CMTM8: variants seen among roughly 807,000 people sequenced by gnomAD.
CMTM8 encodes the protein CKLF-like MARVEL transmembrane domain-containing protein 8.
A neutral mutation model predicts 18.6 loss-of-function variants in CMTM8; 12 were observed. The ratio of observed to expected loss-of-function variants is 0.65; its 90% CI spans 0.41 to 1.05. The LOEUF (loss-of-function observed/expected upper bound fraction) is 1.05. Among genes scored for constraint, CMTM8 ranks in the 50% least tolerant of loss-of-function variants. The probability of loss-of-function intolerance (pLI) is 0.00; values close to 1 mark genes in which losing one functional copy is unlikely to be tolerated. For synonymous variants in CMTM8, 87 were observed against 90.6 expected, an observed-to-expected ratio of 0.96 and a Z score of 0.23; for missense variants, 217 against 227.2, an observed-to-expected ratio of 0.95 and a Z score of 0.29.
At position 32,274,093 on chromosome 3, in the gene CMTM8, T is replaced by G. The variant is rs541245147; in HGVS notation, c.147+34974T>G. Among the ~76,000 whole-genome samples the G allele has an allele frequency of 2.8e-4, 43 of 152,200 alleles. 1 individual carries two copies. The highest frequency in any genetic ancestry group is 5.6e-4 in the Non-Finnish European group (38 of 68,010). ...GGGAGGCTGAGATAGGCGAATCACTTGAGCCTAGGAGTTTGAGACCAGCCT... is the reference window on the plus strand; with the variant it reads ...GGGAGGCTGAGATAGGCGAATCACTGGAGCCTAGGAGTTTGAGACCAGCCT... On this transcript the variant is annotated intron_variant, in intron 1 of 3. Coordinates refer to ENST00000307526, the MANE Select transcript of CMTM8 (RefSeq NM_178868.5).
intron 2 of CMTM8, among the ~76,000 whole-genome samples, chr3:32,363,375 G>T (rs1352092218): frequency 6.6e-6 from 1 of 152,186 alleles, no homozygotes; most frequent in African/African-American, 2.4e-5. Flanking sequence ...TAAAAAGTGG[G>T]CAGTGGAGGG....
chr3:32,368,689 T>C (rs1697093622), intron 3 of CMTM8, among the ~76,000 whole-genome samples: 1 of 152,184 alleles, frequency 6.6e-6, no homozygotes, highest in Admixed American at 6.5e-5. Flanking sequence ...CTGGATTTCC[T>C]GGGCTCAAGT....
chr3:32,320,283 ATTG>A (rs1363331696), intron 1 of CMTM8, among the ~76,000 whole-genome samples: 1 of 152,228 alleles, frequency 6.6e-6, no homozygotes, highest in Non-Finnish European at 1.5e-5. Context: ...ACAGTGGAAT[ATTG>A]TTCAGTCATT....
intron 1 of CMTM8, among the ~76,000 whole-genome samples, chr3:32,320,444 A>G (rs1696021348): frequency 6.6e-6 from 1 of 152,206 alleles, no homozygotes. Context: ...TAGAGACCAT[A>G]GATGAGTGGT....
At position 32,366,071 on chromosome 3, in the gene CMTM8, G is replaced by A. The variant is rs569883300; in HGVS notation, c.322-1801G>A. On this transcript the variant is annotated intron_variant, in intron 2 of 3. Coordinates refer to ENST00000307526, the MANE Select transcript of CMTM8 (RefSeq NM_178868.5). ...ATTTCCTCCAACCCAGGCATTCCCC[G>A]GACATGTTTACTTTTGGGAGTGTTA... Among the ~76,000 whole-genome samples, 47 of 151,870 alleles carry A rather than the reference G, an allele frequency of 3.1e-4. 1 individual carries two copies. The highest frequency in any genetic ancestry group is 4.2e-4 in the South Asian group (2 of 4,802).
chr3:32,363,575 G>A lies in CMTM8; in HGVS notation c.322-4297G>A, dbSNP rs142304918. Among the ~76,000 whole-genome samples, 474 of 152,338 alleles carry A rather than the reference G, an allele frequency of 3.1e-3. 2 individuals are homozygous for A. The highest frequency in any genetic ancestry group is 0.011 in the African/African-American group (443 of 41,570). ...TAAGAGAGAAACATAGCAGGAGACA[G>A]CCAGCAGCTCTGCCACAGACGAAGC... On this transcript the variant is annotated intron_variant, in intron 2 of 3. Transcript: ENST00000307526.
intron 1 of CMTM8, among the ~76,000 whole-genome samples, chr3:32,281,966 G>A (rs1459617348): frequency 6.6e-6 from 1 of 152,000 alleles, no homozygotes; most frequent in Non-Finnish European, 1.5e-5. Flanking sequence ...GAGTGCCAGG[G>A]CTCAGGCCTT....
rs554554936 is a variant in CMTM8, at chr3:32,359,905, C to T, written c.321+2359C>T. On this transcript the variant is annotated intron_variant, in intron 2 of 3. Transcript: ENST00000307526. ...AGTCTTGTGACTTTGCACAGATTTACACACAGCAGGGGTCCACATCTCTCG... is the reference window on the plus strand; with the variant it reads ...AGTCTTGTGACTTTGCACAGATTTATACACAGCAGGGGTCCACATCTCTCG... 9.8e-5 allele frequency among the ~76,000 whole-genome samples: 15 copies of T among 152,286 alleles called. No homozygotes were observed. In the East Asian group the frequency reaches 2.9e-3, roughly 29 times the overall value.
At chr3:32,338,669 T>C (rs1696435700) in intron 1 of CMTM8, among the ~76,000 whole-genome samples, 1 of 152,156 alleles carries the variant, frequency 6.6e-6, no homozygotes, top group African/African-American at 2.4e-5. Context: ...ACACTACCTA[T>C]TGTATATAAG....
intron 1 of CMTM8, among the ~76,000 whole-genome samples, chr3:32,281,569 C>T (rs1324401278): frequency 6.6e-6 from 1 of 152,126 alleles, no homozygotes; most frequent in Non-Finnish European, 1.5e-5. Context: ...AGATATGTCC[C>T]TCATTCTTCA....
Position 32,332,239 on chromosome 3 carries a change from G to C in CMTM8, c.148-25134G>C, listed in dbSNP as rs726911. Among the ~76,000 whole-genome samples the C allele has an allele frequency of 5.5e-3, 836 of 152,306 alleles. 7 individuals are homozygous for C. The highest frequency in any genetic ancestry group is 0.019 in the African/African-American group (795 of 41,568). On this transcript the variant is annotated intron_variant, in intron 1 of 3. Coordinates refer to ENST00000307526, the MANE Select transcript of CMTM8 (RefSeq NM_178868.5). Reference sequence around the variant, plus strand: ...TTAGCTGCAGCCCGTCGCAGTGGACGCAGCACAGGATGTAAAGCTGGGGTG... The same window carrying C: ...TTAGCTGCAGCCCGTCGCAGTGGACCCAGCACAGGATGTAAAGCTGGGGTG...
intron 1 of CMTM8, among the ~76,000 whole-genome samples, chr3:32,269,529 A>T (rs562651813): frequency 1.3e-5 from 2 of 152,196 alleles, no homozygotes; most frequent in Non-Finnish European, 2.9e-5. Flanking sequence ...AAGCTCAGTT[A>T]ACTAGGTCAC....
chr3:32,314,808 A>T (rs1175665342), intron 1 of CMTM8, among the ~76,000 whole-genome samples: 1 of 151,932 alleles, frequency 6.6e-6, no homozygotes, highest in African/African-American at 2.4e-5. Context: ...CTTTCTTTCC[A>T]TTATTGGTAA....
chr3:32,257,464 C>A (rs1702189409), intron 1 of CMTM8, among the ~76,000 whole-genome samples: 1 of 152,150 alleles, frequency 6.6e-6, no homozygotes, highest in Non-Finnish European at 1.5e-5. Context: ...CCTAATTTTT[C>A]TTTCATATTT....
chr3:32,346,429 G>C (rs1696597656), intron 1 of CMTM8, among the ~76,000 whole-genome samples: 1 of 152,096 alleles, frequency 6.6e-6, no homozygotes, highest in South Asian at 2.1e-4. Flanking sequence ...CCATAGACTG[G>C]GTGGCTTAAA....
intron 2 of CMTM8, among the ~76,000 whole-genome samples, chr3:32,361,286 G>GTTTTTTTTTTTGTTTTTTTTT (rs58364646): frequency 1.1e-4 from 10 of 87,262 alleles, no homozygotes; most frequent in African/African-American, 3.6e-4. Context: ...CAGCCTAAGA[G>GTTTTTTTTTTTGTTTTTTTTT]TTTTTTTTTC....
chr3:32,323,957 A>G (rs4955278), intron 1 of CMTM8, among the ~76,000 whole-genome samples: 34,105 of 152,166 alleles, frequency 0.22, 4,842 homozygotes, highest in East Asian at 0.52. Flanking sequence ...CAGGGCCAAA[A>G]CTGACCAGTT....
At chr3:32,245,965 AC>A (rs1451075214) in intron 1 of CMTM8, among the ~76,000 whole-genome samples, 5 of 152,110 alleles carry the variant, frequency 3.3e-5, no homozygotes. Context: ...ACAGGTATGC[AC>A]ACCACTGTGC....
At position 32,330,539 on chromosome 3, in the gene CMTM8, T is replaced by C. The variant is rs537208004; in HGVS notation, c.148-26834T>C. On this transcript the variant is annotated intron_variant, in intron 1 of 3. Transcript: ENST00000307526. Reference sequence around the variant, plus strand: ...TAAAACAAAGCTACAGTAATCAAAATAGTATGGTACTGGCATAAAGATAGA... The same window carrying C: ...TAAAACAAAGCTACAGTAATCAAAACAGTATGGTACTGGCATAAAGATAGA... 3.2e-4 allele frequency among the ~76,000 whole-genome samples: 48 copies of C among 152,180 alleles called. No individual in the cohort carries two copies. The South Asian group carries it at 7.1e-3, about 22-fold the overall frequency.
Sources: allele counts gnomAD v4.1 joint callset (sites outside exome capture counted in the v4.1 genomes callset), GRCh38; gene constraint gnomAD v4.1.1; transcripts MANE v1.5; gene names NCBI Gene and HGNC (gene_info 2026-07-23, HGNC 2026-07-21).